LTBP1: variants seen among roughly 807,000 people sequenced by gnomAD.
The protein encoded by LTBP1 is latent-transforming growth factor beta-binding protein 1.
Under a neutral mutation model 207.6 loss-of-function variants are expected in LTBP1, and 129 were observed. That is an observed-to-expected ratio of 0.62 (90% confidence interval 0.54 to 0.72). The LOEUF (loss-of-function observed/expected upper bound fraction) is 0.72, where lower values mean the gene tolerates loss of function less well. LTBP1 is among the 30% of genes least tolerant of loss of function. LTBP1 has a pLI of 0.00. For synonymous variants in LTBP1, 963 were observed against 833.7 expected (o/e 1.16, Z -2.67); for missense variants, 2,281 against 2,217.2 (o/e 1.03, Z -0.58).
At chr2:32,992,223 A>G (rs1014518916) in intron 2 of LTBP1, among the ~76,000 whole-genome samples, 4 of 152,182 alleles carry the variant, frequency 2.6e-5, no homozygotes, top group African/African-American at 7.2e-5. Flanking sequence ...CGTGAAATGC[A>G]TTGGAAAAGC....
intron 3 of LTBP1, among the ~76,000 whole-genome samples, chr2:33,029,779 C>A (rs1343840078): frequency 6.6e-6 from 1 of 152,010 alleles, no homozygotes; most frequent in East Asian, 1.9e-4. Context: ...TTTGAAGCCC[C>A]AAATTCAAAT....
At chr2:33,107,890 C>G (rs1424437754) in intron 3 of LTBP1, among the ~76,000 whole-genome samples, 2 of 152,026 alleles carry the variant, frequency 1.3e-5, no homozygotes, top group African/African-American at 4.8e-5. Context: ...TTGATGTTCA[C>G]TGGTGATAGT....
chr2:33,288,377 T>C lies in LTBP1; in HGVS notation c.3113-4783T>C, dbSNP rs543121684. 2.6e-5 allele frequency among the ~76,000 whole-genome samples: 4 copies of C among 152,064 alleles called. No individual in the cohort carries two copies. The South Asian group carries it at 6.2e-4, about 24-fold the overall frequency. ...GAGACAGTCTGGTATGTTCCCAGGATATTAGGAAGGGAAATTTTAAATTTT... is the reference window on the plus strand; with the variant it reads ...GAGACAGTCTGGTATGTTCCCAGGACATTAGGAAGGGAAATTTTAAATTTT... On this transcript the variant is annotated intron_variant, in intron 19 of 33. Transcript: ENST00000404816.
intron 21 of LTBP1, among the ~76,000 whole-genome samples, chr2:33,301,117 G>A (rs1309977105): frequency 6.6e-6 from 1 of 152,146 alleles, no homozygotes; most frequent in Non-Finnish European, 1.5e-5. Flanking sequence ...TGCTAGGGTT[G>A]ACCTTAGACT....
intron 10 of LTBP1, among the ~76,000 whole-genome samples, chr2:33,248,622 T>G (rs569396368): frequency 6.6e-6 from 1 of 151,604 alleles, no homozygotes; most frequent in East Asian, 1.9e-4. Context: ...AGTCTTGATC[T>G]GCTGCCCAGG....
At chr2:33,136,154 G>T (rs145458520) in intron 5 of LTBP1, among the ~76,000 whole-genome samples, 8 of 152,170 alleles carry the variant, frequency 5.3e-5, no homozygotes, top group East Asian at 1.9e-4. Flanking sequence ...CCATAGATAC[G>T]ATTTAAAAGG....
intron 9 of LTBP1, among the ~76,000 whole-genome samples, chr2:33,243,163 C>T (rs1006527340): frequency 1.6e-4 from 25 of 152,318 alleles, no homozygotes; most frequent in African/African-American, 5.8e-4. Context: ...CACAGTCTGC[C>T]CCACCTCCAG....
intron 7 of LTBP1, among the ~76,000 whole-genome samples, chr2:33,212,207 T>A (rs1337970713): frequency 6.6e-6 from 1 of 152,252 alleles, no homozygotes; most frequent in Non-Finnish European, 1.5e-5. Flanking sequence ...AAAGTTATTT[T>A]CATGCACTCA....
At chr2:33,045,707 A>T (rs1030313868) in intron 3 of LTBP1, among the ~76,000 whole-genome samples, 1 of 152,184 alleles carries the variant, frequency 6.6e-6, no homozygotes, top group African/African-American at 2.4e-5. Flanking sequence ...TTTGGGCAGT[A>T]TGGCCATTTT....
intron 5 of LTBP1, among the ~76,000 whole-genome samples, chr2:33,156,478 C>T (rs955326462): frequency 6.6e-6 from 1 of 152,152 alleles, no homozygotes; most frequent in Non-Finnish European, 1.5e-5. Flanking sequence ...TTGTATTGTA[C>T]TTGTGCAACT....
At chr2:33,052,896 T>C (rs219070) in intron 3 of LTBP1, among the ~76,000 whole-genome samples, 89,178 of 151,008 alleles carry the variant, frequency 0.59, 28,034 homozygotes, top group East Asian at 0.98. Flanking sequence ...TTTTTTGAGA[T>C]GGAGTCTCAC....
chr2:33,058,178 A>G (rs1211311539), intron 3 of LTBP1, among the ~76,000 whole-genome samples: 1 of 152,234 alleles, frequency 6.6e-6, no homozygotes, highest in African/African-American at 2.4e-5. Flanking sequence ...GTAGACTAAT[A>G]ATAGCTATGA....
At chr2:32,994,405 G>A (rs935196822) in intron 2 of LTBP1, among the ~76,000 whole-genome samples, 2 of 151,964 alleles carry the variant, frequency 1.3e-5, no homozygotes, top group African/African-American at 2.4e-5. Flanking sequence ...CCAGTAAGTG[G>A]TAGAACCAAG....
intron 2 of LTBP1, among the ~76,000 whole-genome samples, chr2:32,969,592 A>G (rs1014790220): frequency 2.6e-5 from 4 of 152,140 alleles, no homozygotes; most frequent in Non-Finnish European, 4.4e-5. Context: ...TGTTGTTGCA[A>G]AGGACATGAT....
At chr2:33,171,053 G>C (rs1463269067) in intron 5 of LTBP1, among the ~76,000 whole-genome samples, 1 of 144,532 alleles carries the variant, frequency 6.9e-6, no homozygotes, top group East Asian at 2.0e-4. Flanking sequence ...AAACCACAAA[G>C]ATGGGGAAAA....
intron 2 of LTBP1, among the ~76,000 whole-genome samples, chr2:32,962,795 A>T (rs1019847844): frequency 7.2e-5 from 11 of 152,214 alleles, no homozygotes; most frequent in African/African-American, 2.4e-4. Flanking sequence ...TAGACCCTGG[A>T]ATGGGGCGTC....
intron 3 of LTBP1, among the ~76,000 whole-genome samples, chr2:33,060,834 A>G (rs997154401): frequency 5.3e-5 from 8 of 152,178 alleles, no homozygotes; most frequent in Admixed American, 3.9e-4. Context: ...TAAAAAACTC[A>G]TGTTATAGTG....
At chr2:33,087,882 G>T (rs1265974500) in intron 3 of LTBP1, among the ~76,000 whole-genome samples, 1 of 152,144 alleles carries the variant, frequency 6.6e-6, no homozygotes, top group African/African-American at 2.4e-5. Context: ...CCAAAAATTG[G>T]ATTTGACTTA....
chr2:33,178,536 T>A (rs1437533406), intron 5 of LTBP1, among the ~76,000 whole-genome samples: 1 of 149,580 alleles, frequency 6.7e-6, no homozygotes, highest in East Asian at 1.9e-4. Flanking sequence ...TTTGTGGTAT[T>A]TTTGGAATTG....
Sources: allele counts gnomAD v4.1 joint callset (sites outside exome capture counted in the v4.1 genomes callset), GRCh38; gene constraint gnomAD v4.1.1; transcripts MANE v1.5; gene names NCBI Gene and HGNC (gene_info 2026-07-23, HGNC 2026-07-21).